CSTL1: variants seen among roughly 807,000 people sequenced by gnomAD.
CSTL1 encodes the protein cystatin-like 1.
In CSTL1, 14 loss-of-function variants were observed where a neutral mutation model predicts 14.4. That is an observed-to-expected ratio of 0.97 (90% CI 0.64 to 1.52). The LOEUF is 1.52. Ranked by LOEUF, CSTL1 falls within the 40% of genes most tolerant of loss-of-function variation. CSTL1 has a pLI of 0.00. For synonymous variants in CSTL1, 72 were observed against 67.5 expected (o/e 1.07, Z -0.33); for missense variants, 170 against 168.7 (o/e 1.01, Z -0.04).
At chr20:23,452,173 A>G in the CSTL1 span, among the ~76,000 whole-genome samples, 18,588 of 152,212 alleles carry the variant, frequency 0.12, 3,820 homozygotes, top group African/African-American at 0.42. Context: ...GACGCTAGTG[A>G]TTCTGGATAG....
At chr20:23,451,966 C>G in the CSTL1 span, 1 of 1,464,992 alleles carries the variant, frequency 6.8e-7, no homozygotes, top group Non-Finnish European at 9.5e-7. Flanking sequence ...CCCCTTCTCC[C>G]CTGTCTGCGG....
downstream of CSTL1, chr20:23,444,972 C>T (rs970237135): frequency 3.7e-6 from 3 of 801,748 alleles, no homozygotes; most frequent in African/African-American, 5.1e-5. Flanking sequence ...CACACACACA[C>T]ATGCACACAC....
At chr20:23,440,102 C>G (rs1986789109) in intron 1 of CSTL1, 42 bp from the exon 2 acceptor site, 1 of 681,372 alleles carries the variant, frequency 1.5e-6, no homozygotes, top group East Asian at 2.7e-5. Flanking sequence ...TGGCTGGAAA[C>G]TGAGTGACAA....
At chr20:23,451,291 G>GGGT in the CSTL1 span, among the ~76,000 whole-genome samples, 2 of 134,720 alleles carry the variant, frequency 1.5e-5, no homozygotes, top group Admixed American at 7.0e-5. Flanking sequence ...CTGCCTTCGG[G>GGGT]GGTGGTGGCT....
chr20:23,444,067 A>G (rs2123315463), intron 3 of CSTL1, 23 bp downstream of exon 3: 2 of 1,585,502 alleles, frequency 1.3e-6, no homozygotes, highest in Non-Finnish European at 1.7e-6. Flanking sequence ...AGTCATCCCA[A>G]AGGGACTTGT....
chr20:23,446,954 A>AC (rs750552711), downstream of CSTL1, among the ~76,000 whole-genome samples: 11 of 151,790 alleles, frequency 7.2e-5, no homozygotes, highest in Non-Finnish European at 1.6e-4. Context: ...TGCGCAAAAA[A>AC]CCCCACAAAA....
intron 2 of CSTL1, chr20:23,440,756 C>CTTT (rs11346588): frequency 8.6e-5 from 31 of 361,426 alleles, no homozygotes; most frequent in Admixed American, 1.5e-4. Context: ...GGATTAAACT[C>CTTT]TTTTTTTTTT....
At chr20:23,448,011 G>A (rs1987002385), downstream of CSTL1, among the ~76,000 whole-genome samples, 1 of 151,478 alleles carries the variant, frequency 6.6e-6, no homozygotes, top group Non-Finnish European at 1.5e-5. Flanking sequence ...TCCAACTTTA[G>A]AGTCATCTCT....
the CSTL1 span, chr20:23,451,929 G>A: frequency 2.7e-5 from 44 of 1,604,916 alleles, no homozygotes; most frequent in African/African-American, 5.1e-4. Flanking sequence ...ACCTGTGGGC[G>A]CCAGGCGTGG....
downstream of CSTL1, among the ~76,000 whole-genome samples, chr20:23,447,396 A>T (rs1196545443): frequency 1.3e-5 from 2 of 151,974 alleles, no homozygotes; most frequent in Non-Finnish European, 2.9e-5. Flanking sequence ...TAAGAACAAT[A>T]GCTATTAACA....
chr20:23,457,858 T>C, the CSTL1 span, among the ~76,000 whole-genome samples: 9 of 152,188 alleles, frequency 5.9e-5, no homozygotes, highest in Non-Finnish European at 1.2e-4. Flanking sequence ...AAAGTCCCAC[T>C]GTAAACTGAA....
the CSTL1 span, among the ~76,000 whole-genome samples, chr20:23,454,741 C>T: frequency 6.6e-6 from 1 of 152,226 alleles, no homozygotes; most frequent in African/African-American, 2.4e-5. Context: ...GCCCTGAGCT[C>T]CCTGAGCGGC....
At chr20:23,460,427 T>C in the CSTL1 span, among the ~76,000 whole-genome samples, 1 of 152,238 alleles carries the variant, frequency 6.6e-6, no homozygotes, top group Admixed American at 6.5e-5. Context: ...TATTTATCTA[T>C]TTATTTTGCA....
In CSTL1 at chr20:23,441,491, C is replaced by T. The variant is rs534301041; in HGVS notation, c.219+1005C>T. On this transcript the variant is annotated intron_variant, in intron 2 of 3. Transcript: ENST00000347397. ...TCCATGAGGAATTGGTTCCAGGACC[C>T]CTCAGGATGCCCACATCCATGGATT... Among the ~76,000 whole-genome samples, 3 of 152,264 alleles carry T rather than the reference C, an allele frequency of 2.0e-5. No homozygotes were observed. The South Asian group carries it at 6.2e-4, about 32-fold the overall frequency.
At chr20:23,450,581 G>T in the CSTL1 span, 1 of 1,607,362 alleles carries the variant, frequency 6.2e-7, no homozygotes, top group Non-Finnish European at 8.5e-7. Flanking sequence ...AGAAGAAGCA[G>T]TTGACTTGCT....
chr20:23,448,501 A>G (rs1334443122), downstream of CSTL1, among the ~76,000 whole-genome samples: 2 of 152,196 alleles, frequency 1.3e-5, no homozygotes, highest in African/African-American at 2.4e-5. Context: ...CCTAATTGTG[A>G]TATTTTTCTG....
the CSTL1 span, among the ~76,000 whole-genome samples, chr20:23,456,437 T>C: frequency 2.0e-5 from 3 of 152,264 alleles, no homozygotes; most frequent in East Asian, 5.8e-4. Flanking sequence ...TTAGGGCCCC[T>C]CTGTGTCAGA....
At chr20:23,443,042 A>G (rs891939412) in intron 2 of CSTL1, among the ~76,000 whole-genome samples, 1 of 152,196 alleles carries the variant, frequency 6.6e-6, no homozygotes, top group African/African-American at 2.4e-5. Flanking sequence ...AGCCATGGGG[A>G]AATCCCTGGC....
the CSTL1 span, among the ~76,000 whole-genome samples, chr20:23,451,325 A>G: frequency 1.3e-5 from 2 of 152,098 alleles, no homozygotes; most frequent in Non-Finnish European, 2.9e-5. Flanking sequence ...CACGCATGCA[A>G]GTTTGTGCCC....
Sources: allele counts gnomAD v4.1 joint callset (sites outside exome capture counted in the v4.1 genomes callset), GRCh38; gene constraint gnomAD v4.1.1; transcripts MANE v1.5; gene names NCBI Gene and HGNC (gene_info 2026-07-23, HGNC 2026-07-21).